Variants in PPP6R3 observed in about 807,000 individuals in gnomAD.
PPP6R3 encodes the protein protein phosphatase 6 regulatory subunit 3.
In PPP6R3, 38 loss-of-function variants were observed where a neutral mutation model predicts 110.7. The ratio of observed to expected loss-of-function variants is 0.34; its 90% CI spans 0.26 to 0.45. The LOEUF (loss-of-function observed/expected upper bound fraction) is 0.45. PPP6R3 is among the 20% of genes least tolerant of loss of function. The pLI is 1.00. For missense variants in PPP6R3, 870 were observed against 1,062.4 expected (o/e 0.82, Z 2.52); for synonymous variants, 369 against 373.5 (o/e 0.99, Z 0.14).
At position 68,500,450 on chromosome 11, in the gene PPP6R3, GAATACACTTTGTTGGACTTTCACTTTA is replaced by G. The variant is rs571513475; in HGVS notation, c.-157-19048_-157-19022del. The stretch of plus-strand genomic sequence containing the variant: ...GGATCTTGAGGAAGTTTCTCTTGGA[GAATACACTTTGTTGGACTTTCACTTTA>G]AAACTTTTTTATTTTTTTGAGACGA... On this transcript the variant is annotated intron_variant, in intron 1 of 23. Coordinates refer to ENST00000393800, the MANE Select transcript of PPP6R3 (RefSeq NM_001164161.2). Among the ~76,000 whole-genome samples, 630 of 152,206 alleles carry G rather than the reference GAATACACTTTGTTGGACTTTCACTTTA, an allele frequency of 4.1e-3. 2 individuals are homozygous for G. Among genetic ancestry groups the G allele is most frequent in the African/African-American group, 0.015 (603 of 41,502 alleles).
At chr11:68,478,789 C>G (rs1230226811) in intron 1 of PPP6R3, among the ~76,000 whole-genome samples, 6 of 151,378 alleles carry the variant, frequency 4.0e-5, no homozygotes, top group Non-Finnish European at 7.4e-5. Context: ...TCCTGAGTAG[C>G]TGGGACTACA....
At position 68,614,566 on chromosome 11, in the gene PPP6R3, C is replaced by T. The variant is rs779351570; in HGVS notation, c.*1449C>T. ...AGCAGCGTGCCTAAACATTACATTGCATATGGAAATAAAAGAATCAAACGT... is the reference window on the plus strand; with the variant it reads ...AGCAGCGTGCCTAAACATTACATTGTATATGGAAATAAAAGAATCAAACGT... On this transcript the variant is annotated 3_prime_UTR_variant, in exon 24 of 24. Coordinates refer to ENST00000393800, the MANE Select transcript of PPP6R3 (RefSeq NM_001164161.2). The T allele has an allele frequency of 1.3e-5, 19 of 1,504,002 alleles. No individual in the cohort carries two copies. The Admixed American group carries it at 3.2e-4, about 25-fold the overall frequency. The allele number at this position is 1,504,002 out of a possible 1,614,324, so 93.2% of individuals were successfully genotyped here.
rs139398512 is a variant in PPP6R3, at chr11:68,600,252, C to T, written c.2039-89C>T. On this transcript the variant is annotated intron_variant, in intron 19 of 23. Transcript: ENST00000393800. ...AGTGTCTTTCTCCCACAGCTCCAGT[C>T]TCTTTTGCTAATGTGTTTTTGATAA... 732 of 1,431,226 alleles carry T rather than the reference C, an allele frequency of 5.1e-4. 4 individuals are homozygous for T. In the African/African-American group the frequency reaches 8.4e-3, roughly 16 times the overall value. The allele number at this position is 1,431,226 out of a possible 1,614,324, so 88.7% of individuals were successfully genotyped here. A position where few individuals can be genotyped will look rare whatever the true frequency, so the allele number is the denominator to read the frequency against.
At chr11:68,496,766 G>T (rs1440142227) in intron 1 of PPP6R3, among the ~76,000 whole-genome samples, 1 of 151,598 alleles carries the variant, frequency 6.6e-6, no homozygotes, top group African/African-American at 2.4e-5. Flanking sequence ...AGTCTACTGT[G>T]CCTGGCCTCG....
chr11:68,512,813 A>G (rs1480771325), intron 1 of PPP6R3, among the ~76,000 whole-genome samples: 2 of 152,192 alleles, frequency 1.3e-5, no homozygotes, highest in Admixed American at 6.5e-5. Context: ...TCAGGTATGA[A>G]TGTCTGCCCT....
chr11:68,490,606 C>A (rs2098977836), intron 1 of PPP6R3, among the ~76,000 whole-genome samples: 1 of 151,806 alleles, frequency 6.6e-6, no homozygotes, highest in Admixed American at 6.6e-5. Flanking sequence ...GTAGTTGTCC[C>A]ATAGTTCTTG....
Position 68,603,356 on chromosome 11 carries a change from G to T in PPP6R3, c.2314G>T (p.Ala772Ser). The change falls in exon 22 of 24, where the codon GCC (alanine) becomes TCC (serine). Residue 772 changes from alanine (A) to serine (S), a missense_variant. Transcript: ENST00000393800. ...AVQPEAAGSV[A>S]MEASSDGEED... ...GTTCTTTTCAGCGGCAGGCAGTGTGGCCATGGAAGCCAGCTCTGACGGAGA... is the reference window on the plus strand; with the variant it reads ...GTTCTTTTCAGCGGCAGGCAGTGTGTCCATGGAAGCCAGCTCTGACGGAGA... 6.2e-7 allele frequency: 1 copy of T among 1,613,956 alleles called. No individual in the cohort carries two copies. Among genetic ancestry groups the T allele is most frequent in the Non-Finnish European group, 8.5e-7 (1 of 1,179,986 alleles).
chr11:68,615,254 T>C lies in PPP6R3; in HGVS notation c.*2137T>C. ...ATTTCTGTGTGTTGGCCATACTGAA[T>C]TATGAGACTAACAGATGTCTACAAT... On this transcript the variant is annotated 3_prime_UTR_variant, in exon 24 of 24. Coordinates refer to ENST00000393800, the MANE Select transcript of PPP6R3 (RefSeq NM_001164161.2). 1 of 367,832 alleles carries C rather than the reference T, an allele frequency of 2.7e-6. No homozygotes were observed. The highest frequency in any genetic ancestry group is 2.0e-5 in the South Asian group (1 of 48,932). 22.8% of individuals were successfully genotyped at this position (367,832 alleles called of 1,614,324 possible). A position where few individuals can be genotyped will look rare whatever the true frequency, so the allele number is the denominator to read the frequency against.
At chr11:68,515,268 C>T (rs928682136) in intron 1 of PPP6R3, 2 of 153,892 alleles carry the variant, frequency 1.3e-5, no homozygotes, top group Non-Finnish European at 2.9e-5. Flanking sequence ...AGCTGGTCTC[C>T]TGAGGCAAAA....
chr11:68,472,486 G>A (rs1217613684), intron 1 of PPP6R3, among the ~76,000 whole-genome samples: 1 of 152,048 alleles, frequency 6.6e-6, no homozygotes, highest in Non-Finnish European at 1.5e-5. Context: ...TTACTAGATG[G>A]TGCAAATTGT....
In PPP6R3 at chr11:68,554,221, G is replaced by C. The variant is rs770081964; in HGVS notation, c.695G>C (p.Ser232Thr). The change falls in exon 7 of 24, where the codon AGT becomes ACT. Residue 232 changes from serine (S) to threonine (T), a missense_variant. By Grantham distance (58) the Ser-to-Thr change is moderately conservative. Coordinates refer to ENST00000393800, the MANE Select transcript of PPP6R3 (RefSeq NM_001164161.2). ...GACCAGATGTTACAAATTCAGAACA[G>C]TACAGAGCCCGACCCCCTGCTTGCC... Reference protein sequence around the residue: ...SRDQMLQIQNSTEPDPLLATL... With the variant: ...SRDQMLQIQNTTEPDPLLATL... The C allele has an allele frequency of 3.1e-6, 5 of 1,613,656 alleles. No homozygotes were observed. In the South Asian group the frequency reaches 3.3e-5, roughly 11 times the overall value.
chr11:68,475,749 G>A (rs573917558), intron 1 of PPP6R3, among the ~76,000 whole-genome samples: 2 of 136,412 alleles, frequency 1.5e-5, no homozygotes, highest in South Asian at 2.3e-4. Flanking sequence ...CAGACGGGGC[G>A]GCTGCCGGGC....
chr11:68,477,269 C>T (rs1424791528), intron 1 of PPP6R3, among the ~76,000 whole-genome samples: 2 of 151,878 alleles, frequency 1.3e-5, no homozygotes, highest in Non-Finnish European at 2.9e-5. Context: ...TAGAATACAA[C>T]ACCGGATGTC....
chr11:68,542,389 G>GTTTTTTGTTTTTT lies in PPP6R3; in HGVS notation c.228-2443_228-2442insGTTTTTTTTTTTT, dbSNP rs2099321782. ...ATCTTTGGGTGCTTGAGAAGCTGCT[G>GTTTTTTGTTTTTT]TTTTTTTTTTTTTTTTTTTTTTAAG... is the stretch of plus-strand genomic sequence containing the variant. On this transcript the variant is annotated intron_variant, in intron 3 of 23. Coordinates refer to ENST00000393800, the MANE Select transcript of PPP6R3 (RefSeq NM_001164161.2). Among the ~76,000 whole-genome samples, 3 of 40,190 alleles carry GTTTTTTGTTTTTT rather than the reference G, an allele frequency of 7.5e-5. 1 individual carries two copies. Among genetic ancestry groups the GTTTTTTGTTTTTT allele is most frequent in the Non-Finnish European group, 1.2e-4 (3 of 24,218 alleles). 26.4% of individuals were successfully genotyped at this position (40,190 alleles called of 152,430 possible). A position where few individuals can be genotyped will look rare whatever the true frequency, so the allele number is the denominator to read the frequency against.
intron 7 of PPP6R3, among the ~76,000 whole-genome samples, chr11:68,557,040 T>C (rs971721761): frequency 6.6e-6 from 1 of 152,214 alleles, no homozygotes; most frequent in Non-Finnish European, 1.5e-5. Flanking sequence ...AGCGCTATGG[T>C]TGAATGAAGA....
intron 1 of PPP6R3, among the ~76,000 whole-genome samples, chr11:68,518,614 C>T (rs1182269056): frequency 6.6e-6 from 1 of 152,128 alleles, no homozygotes; most frequent in Non-Finnish European, 1.5e-5. Flanking sequence ...AGTCAAAAAC[C>T]ACCTAACTGG....
intron 2 of PPP6R3, among the ~76,000 whole-genome samples, chr11:68,532,112 C>A (rs987456294): frequency 5.8e-4 from 88 of 152,262 alleles, no homozygotes; most frequent in African/African-American, 2.0e-3. Flanking sequence ...CAGGGTGGCA[C>A]CTTTTTCCAG....
intron 1 of PPP6R3, among the ~76,000 whole-genome samples, chr11:68,471,282 CAAAAAAAA>C (rs34619002): frequency 1.7e-5 from 1 of 57,268 alleles, no homozygotes; most frequent in Non-Finnish European, 3.9e-5. Context: ...GATTCTGTCT[CAAAAAAAA>C]AAAAAAAAAA....
At chr11:68,580,846 A>T (rs1361543238) in intron 14 of PPP6R3, among the ~76,000 whole-genome samples, 1 of 120,690 alleles carries the variant, frequency 8.3e-6, no homozygotes, top group Non-Finnish European at 1.6e-5. Flanking sequence ...ATCTCGGCTC[A>T]CTGCAAGCTC....
Sources: gnomAD v4.1 joint callset for allele counts (sites outside exome capture counted in the v4.1 genomes callset) on GRCh38, gnomAD v4.1.1 for gene constraint, MANE v1.5 for transcripts, NCBI Gene and HGNC (gene_info 2026-07-23, HGNC 2026-07-21) for gene names.